The following NCS1 variants were observed in gnomAD, a reference collection of about 807,000 sequenced individuals.
NCS1 encodes the protein neuronal calcium sensor 1.
NCS1 carries 6 observed loss-of-function variants against 28.4 expected under a neutral mutation model. The ratio of observed to expected loss-of-function variants is 0.21; its 90% CI spans 0.12 to 0.42. The LOEUF is 0.42. Among genes scored for constraint, NCS1 ranks in the 10% least tolerant of loss-of-function variants. The probability of loss-of-function intolerance (pLI) is 1.00; values close to 1 mark genes in which losing one functional copy is unlikely to be tolerated. For missense variants in NCS1, 131 were observed against 241.4 expected (o/e 0.54, Z 3.03); for synonymous variants, 86 against 99.3 (o/e 0.87, Z 0.79).
At chr9:130,207,043 C>T (rs1421369445) in intron 2 of NCS1, among the ~76,000 whole-genome samples, 1 of 152,302 alleles carries the variant, frequency 6.6e-6, no homozygotes, top group East Asian at 1.9e-4. Context: ...CCTCTTGTTC[C>T]CTTGCCTCAT....
rs1023248451 is a variant in NCS1, at chr9:130,236,427, C to A, written c.*3455C>A. 6 of 152,182 alleles carry A rather than the reference C, an allele frequency of 3.9e-5. No individual in the cohort carries two copies. The highest frequency in any genetic ancestry group is 7.3e-5 in the Non-Finnish European group (5 of 68,068). 9.4% of individuals were successfully genotyped at this position (152,182 alleles called of 1,614,324 possible). ...GGGAGGCGAGGAGGGGGCTGTGAGT[C>A]CTCAGAGGCCCTGGGCCACCACATT... On this transcript the variant is annotated 3_prime_UTR_variant, in exon 8 of 8. Transcript: ENST00000372398.
In NCS1 at chr9:130,186,100, A is replaced by C. The variant is rs1554905609; in HGVS notation, c.64+13373A>C. 6.6e-6 allele frequency among the ~76,000 whole-genome samples: 1 copy of C among 152,202 alleles called. No homozygotes were observed. The stretch of plus-strand genomic sequence containing the variant: ...GGTCCTGTGGGGGGCATGTGTGGCC[A>C]AACGGGTTCCTGGGCCACCTTGCCA... On this transcript the variant is annotated intron_variant, in intron 1 of 7. Transcript: ENST00000372398. This position sits in a 1 kb window ranked among gnomAD's most constrained non-coding sequence, Gnocchi z 4.1.
chr9:130,189,873 A>ATATAT (rs1292586163), intron 1 of NCS1, among the ~76,000 whole-genome samples: 1 of 96,750 alleles, frequency 1.0e-5, no homozygotes, highest in Admixed American at 1.2e-4. Flanking sequence ...AAAAAAAAAA[A>ATATAT]AAAAAAATAT....
Position 130,177,667 on chromosome 9 carries a change from G to T in NCS1, c.64+4940G>T, listed in dbSNP as rs1171713469. Among the ~76,000 whole-genome samples the T allele has an allele frequency of 6.6e-6, 1 of 152,254 alleles. No individual in the cohort carries two copies. Among genetic ancestry groups the T allele is most frequent in the African/African-American group, 2.4e-5 (1 of 41,470 alleles). Reference sequence around the variant, plus strand: ...AGGACTCGATCCCCTGCGGTGCGGGGCTGGGTCCTCACTCGGCCTTGGTGA... The same window carrying T: ...AGGACTCGATCCCCTGCGGTGCGGGTCTGGGTCCTCACTCGGCCTTGGTGA... On this transcript the variant is annotated intron_variant, in intron 1 of 7. Coordinates refer to ENST00000372398, the MANE Select transcript of NCS1 (RefSeq NM_014286.4). This position sits in a 1 kb window ranked among gnomAD's most constrained non-coding sequence, Gnocchi z 4.4.
At position 130,226,904 on chromosome 9, in the gene NCS1, T is replaced by C. The variant is rs7873083; in HGVS notation, c.*17+400T>C. Reference sequence around the variant, plus strand: ...GGCGGGCGTGGTGGTGCGCACCTAGTCTCAGCTACTTGGGAGGCTGAGGCA... The same window carrying C: ...GGCGGGCGTGGTGGTGCGCACCTAGCCTCAGCTACTTGGGAGGCTGAGGCA... On this transcript the variant is annotated intron_variant, in intron 7 of 7. Coordinates refer to ENST00000372398, the MANE Select transcript of NCS1 (RefSeq NM_014286.4). This position sits in a 1 kb window ranked among gnomAD's most constrained non-coding sequence, Gnocchi z 4.8. Among the ~76,000 whole-genome samples, 81,243 of 151,128 alleles carry C rather than the reference T, an allele frequency of 0.54. 23,756 individuals are homozygous for C. Among genetic ancestry groups the C allele is most frequent in the East Asian group, 0.83 (4,240 of 5,090 alleles).
At chr9:130,211,672 G>A (rs1232910445) in intron 2 of NCS1, among the ~76,000 whole-genome samples, 2 of 152,144 alleles carry the variant, frequency 1.3e-5, no homozygotes, top group Non-Finnish European at 2.9e-5. Flanking sequence ...CCATTCTGGA[G>A]TATGGGCTCT....
rs538635597 is a variant in NCS1, at chr9:130,233,551, A to G, written c.*579A>G. On this transcript the variant is annotated 3_prime_UTR_variant, in exon 8 of 8. Coordinates refer to ENST00000372398, the MANE Select transcript of NCS1 (RefSeq NM_014286.4). This position sits in a 1 kb window ranked among gnomAD's most constrained non-coding sequence, Gnocchi z 4.8. The stretch of plus-strand genomic sequence containing the variant: ...AACCACCTGCGTGGCTAGGATGATT[A>G]ATTATGAGGATGATGATTTTTTTTG... 5.2e-5 allele frequency: 8 copies of G among 152,470 alleles called. No individual in the cohort carries two copies. Among genetic ancestry groups the G allele is most frequent in the African/African-American group, 1.9e-4 (8 of 41,378 alleles). The allele number at this position is 152,470 out of a possible 1,614,324, so 9.4% of individuals were successfully genotyped here.
At chr9:130,185,084 A>G (rs1832721519) in intron 1 of NCS1, among the ~76,000 whole-genome samples, 1 of 152,046 alleles carries the variant, frequency 6.6e-6, no homozygotes, top group South Asian at 2.1e-4. Flanking sequence ...CTGGCCATGG[A>G]TGGGACCCAT....
chr9:130,173,759 G>T (rs1554904343), intron 1 of NCS1, among the ~76,000 whole-genome samples: 1 of 152,180 alleles, frequency 6.6e-6, no homozygotes, highest in Non-Finnish European at 1.5e-5. Flanking sequence ...GCAGCAGCTT[G>T]ACCGCCAGCC....
intron 2 of NCS1, among the ~76,000 whole-genome samples, chr9:130,217,584 C>T (rs1833207419): frequency 6.6e-6 from 1 of 152,210 alleles, no homozygotes; most frequent in South Asian, 2.1e-4. Flanking sequence ...GGGTTAATTC[C>T]TATGTCAGTT....
At position 130,203,924 on chromosome 9, in the gene NCS1, A is replaced by G. The variant is rs2131138150; in HGVS notation, c.89+2942A>G. Among the ~76,000 whole-genome samples the G allele has an allele frequency of 2.0e-5, 3 of 152,334 alleles. No individual in the cohort carries two copies. The Middle Eastern group carries it at 0.01, about 518-fold the overall frequency. ...GCCTTCTCCTGGAGCCGCAGACAGCAGAGTGGCTGGGATCTTGGGCTCCAG... is the reference window on the plus strand; with the variant it reads ...GCCTTCTCCTGGAGCCGCAGACAGCGGAGTGGCTGGGATCTTGGGCTCCAG... On this transcript the variant is annotated intron_variant, in intron 2 of 7. Transcript: ENST00000372398.
intron 1 of NCS1, chr9:130,193,819 C>G (rs552859920): frequency 6.5e-6 from 1 of 152,908 alleles, no homozygotes; most frequent in African/African-American, 2.4e-5. Flanking sequence ...GGAAGGAGGA[C>G]AGTCAGTGAT....
Position 130,219,925 on chromosome 9 carries a change from TC to T in NCS1, c.307+125del. ...CCCACTGCAGTGACCACAGATGGCG[TC>T]CCAGCTGTGTCTGCAGAGGGCAGGC... is the stretch of plus-strand genomic sequence containing the variant. On this transcript the variant is annotated intron_variant, in intron 4 of 7. Transcript: ENST00000372398. This position sits in a 1 kb window ranked among gnomAD's most constrained non-coding sequence, Gnocchi z 5.7. 1 of 1,067,106 alleles carries T rather than the reference TC, an allele frequency of 9.4e-7. No homozygotes were observed. The highest frequency in any genetic ancestry group is 1.4e-6 in the Non-Finnish European group (1 of 705,722). The allele number at this position is 1,067,106 out of a possible 1,614,324, so 66.1% of individuals were successfully genotyped here.
At position 130,186,552 on chromosome 9, in the gene NCS1, C is replaced by T. The variant is rs534718189; in HGVS notation, c.64+13825C>T. 5.5e-4 allele frequency among the ~76,000 whole-genome samples: 83 copies of T among 152,176 alleles called. No individual in the cohort carries two copies. The highest frequency in any genetic ancestry group is 2.0e-3 in the African/African-American group (83 of 41,470). On this transcript the variant is annotated intron_variant, in intron 1 of 7. Coordinates refer to ENST00000372398, the MANE Select transcript of NCS1 (RefSeq NM_014286.4). This position sits in a 1 kb window ranked among gnomAD's most constrained non-coding sequence, Gnocchi z 4.1. Reference sequence around the variant, plus strand: ...ATGAGAGTGCTTCAGGCAGCAGGAACAGCATGTTCCAGGTCAGTCCTCACC... The same window carrying T: ...ATGAGAGTGCTTCAGGCAGCAGGAATAGCATGTTCCAGGTCAGTCCTCACC...
At position 130,235,770 on chromosome 9, in the gene NCS1, G is replaced by C. The variant is rs1021999979; in HGVS notation, c.*2798G>C. The C allele has an allele frequency of 3.9e-5, 6 of 152,544 alleles. No homozygotes were observed. Among genetic ancestry groups the C allele is most frequent in the African/African-American group, 1.4e-4 (6 of 41,476 alleles). 9.4% of individuals were successfully genotyped at this position (152,544 alleles called of 1,614,324 possible). On this transcript the variant is annotated 3_prime_UTR_variant, in exon 8 of 8. Transcript: ENST00000372398. ...CTGCAGTGATGCCGCAGAATCCTGA[G>C]CCAGGTGCCTCCTGAGCAGCCCGTG...
Position 130,233,629 on chromosome 9 carries a change from A to C in NCS1, c.*657A>C, listed in dbSNP as rs561302968. On this transcript the variant is annotated 3_prime_UTR_variant, in exon 8 of 8. Coordinates refer to ENST00000372398, the MANE Select transcript of NCS1 (RefSeq NM_014286.4). This position sits in a 1 kb window ranked among gnomAD's most constrained non-coding sequence, Gnocchi z 4.8. Reference sequence around the variant, plus strand: ...GAAAGTGAGGTTTTTTTTTATATACATATATAATTGATATCTTTAATTTAT... The same window carrying C: ...GAAAGTGAGGTTTTTTTTTATATACCTATATAATTGATATCTTTAATTTAT... 1 of 152,124 alleles carries C rather than the reference A, an allele frequency of 6.6e-6. No individual in the cohort carries two copies. Among genetic ancestry groups the C allele is most frequent in the South Asian group, 2.1e-4 (1 of 4,796 alleles). The allele number at this position is 152,124 out of a possible 1,614,324, so 9.4% of individuals were successfully genotyped here. A position where few individuals can be genotyped will look rare whatever the true frequency, so the allele number is the denominator to read the frequency against.
chr9:130,205,744 A>G (rs1258400000), intron 2 of NCS1, among the ~76,000 whole-genome samples: 3 of 151,634 alleles, frequency 2.0e-5, no homozygotes, highest in Non-Finnish European at 2.9e-5. Context: ...TGAGATGGGA[A>G]GATCGCTTGG....
chr9:130,183,306 T>TGG (rs199872244), intron 1 of NCS1, among the ~76,000 whole-genome samples: 36 of 142,034 alleles, frequency 2.5e-4, no homozygotes, highest in South Asian at 2.0e-3. Context: ...ACCATGCGGC[T>TGG]GGGGGGGGGA....
At chr9:130,204,576 A>G (rs960873324) in intron 2 of NCS1, among the ~76,000 whole-genome samples, 1 of 152,190 alleles carries the variant, frequency 6.6e-6, no homozygotes, top group African/African-American at 2.4e-5. Flanking sequence ...GGTGCGAGCC[A>G]CTGCGCCCGC....
Sources: gnomAD v4.1 joint callset for allele counts (sites outside exome capture counted in the v4.1 genomes callset) on GRCh38, gnomAD v4.1.1 for gene constraint, Gnocchi (gnomAD v3.1) non-coding constraint, MANE v1.5 for transcripts, NCBI Gene and HGNC (gene_info 2026-07-23, HGNC 2026-07-21) for gene names.